PATJ: variants seen among roughly 807,000 people sequenced by gnomAD.
PATJ encodes PATJ crumbs cell polarity complex component, also known as inaD-like protein.
PATJ carries 190 observed loss-of-function variants against 224.9 expected under a neutral mutation model. That is an observed-to-expected ratio of 0.84 (90% CI 0.75 to 0.95). The LOEUF (loss-of-function observed/expected upper bound fraction) is 0.95. Ranked by LOEUF, PATJ falls within the 40% of genes least tolerant of loss-of-function variation. PATJ has a pLI of 0.00. For missense variants in PATJ, 2,121 were observed against 2,270.3 expected, an observed-to-expected ratio of 0.93 and a Z score of 1.34; for synonymous variants, 769 against 820.3, an observed-to-expected ratio of 0.94 and a Z score of 1.07.
rs539826642 is a variant in PATJ at position 62,062,014 on chromosome 1, A to G, written c.4125+10956A>G. On this transcript the variant is annotated intron_variant, in intron 31 of 43. Transcript: ENST00000642238. ...GTTGATGGGCACCCAGGTTGATATC[A>G]TGTCTTTGCTATTGTGAATAGTGCA... Among the ~76,000 whole-genome samples the G allele has an allele frequency of 9.8e-5, 15 of 152,286 alleles. 1 individual carries two copies. Among genetic ancestry groups the G allele is most frequent in the African/African-American group, 3.6e-4 (15 of 41,554 alleles).
In PATJ at chr1:62,127,952, A is replaced by T; in HGVS notation, c.5044-20A>T. The T allele has an allele frequency of 6.2e-7, 1 of 1,613,352 alleles. No homozygotes were observed. Among genetic ancestry groups the T allele is most frequent in the African/African-American group, 1.3e-5 (1 of 75,012 alleles). On this transcript the variant is annotated intron_variant, in intron 39 of 43. Coordinates refer to ENST00000642238, the MANE Select transcript of PATJ (RefSeq NM_001350145.3). Reference sequence around the variant, plus strand: ...GCTCTTTATTAAATATAAAAGCATTATGTTTTCTTCCTTTTTTAGGAGCTC... The same window carrying T: ...GCTCTTTATTAAATATAAAAGCATTTTGTTTTCTTCCTTTTTTAGGAGCTC...
intron 33 of PATJ, among the ~76,000 whole-genome samples, chr1:62,087,880 A>G (rs1349240941): frequency 6.7e-6 from 1 of 150,046 alleles, no homozygotes; most frequent in Non-Finnish European, 1.5e-5. Flanking sequence ...CGTATTTTTA[A>G]TAATTCTTTG....
intron 31 of PATJ, among the ~76,000 whole-genome samples, chr1:62,057,349 T>C (rs1654720186): frequency 2.0e-5 from 3 of 152,040 alleles, no homozygotes; most frequent in Admixed American, 6.6e-5. Context: ...GGTTGCCAGA[T>C]TGGTGAGATG....
At chr1:62,128,992 C>A in intron 41 of PATJ, 47 bp downstream of exon 41, 1 of 1,319,812 alleles carries the variant, frequency 7.6e-7, no homozygotes, top group Non-Finnish European at 1.1e-6. Context: ...AGATAAGTGG[C>A]ATGCAAAAAA....
intron 38 of PATJ, among the ~76,000 whole-genome samples, chr1:62,121,625 C>G (rs535998248): frequency 1.3e-5 from 2 of 151,858 alleles, no homozygotes; most frequent in Non-Finnish European, 2.9e-5. Context: ...AAAAATTAGC[C>G]GGGCGTGGTG....
intron 41 of PATJ, among the ~76,000 whole-genome samples, chr1:62,143,677 T>C (rs1269463885): frequency 2.6e-5 from 4 of 152,042 alleles, no homozygotes; most frequent in African/African-American, 9.7e-5. Flanking sequence ...CTTGAACTCT[T>C]TACCTCAGGT....
intron 20 of PATJ, among the ~76,000 whole-genome samples, chr1:61,871,472 T>TAC (rs1553186070): frequency 1.7e-3 from 163 of 98,748 alleles, no homozygotes; most frequent in African/African-American, 5.5e-3. Flanking sequence ...TATATGTATA[T>TAC]ACATATATAT....
chr1:61,820,884 C>A (rs1239950888), intron 14 of PATJ, among the ~76,000 whole-genome samples: 1 of 152,108 alleles, frequency 6.6e-6, no homozygotes, highest in African/African-American at 2.4e-5. Context: ...AGAAGCATTT[C>A]TCTGAGAGCT....
intron 41 of PATJ, among the ~76,000 whole-genome samples, chr1:62,130,626 C>T (rs867692456): frequency 2.0e-5 from 3 of 151,398 alleles, no homozygotes; most frequent in Admixed American, 6.6e-5. Context: ...CTGAGGCGGG[C>T]GGATCACGAG....
chr1:61,807,521 T>C (rs572881959), intron 13 of PATJ, among the ~76,000 whole-genome samples: 1 of 152,340 alleles, frequency 6.6e-6, no homozygotes, highest in East Asian at 1.9e-4. Flanking sequence ...AAATTTCATT[T>C]ATTTATTACA....
chr1:62,118,562 A>G (rs527894904), intron 37 of PATJ, among the ~76,000 whole-genome samples: 5 of 152,334 alleles, frequency 3.3e-5, no homozygotes, highest in African/African-American at 1.2e-4. Flanking sequence ...ACTGATCGAT[A>G]GGTAAGGTAG....
chr1:61,886,242 G>A (rs930404974), intron 22 of PATJ, among the ~76,000 whole-genome samples: 3 of 152,032 alleles, frequency 2.0e-5, no homozygotes, highest in Admixed American at 6.6e-5. Context: ...AGGAAGAAAG[G>A]AGTGAGCTGG....
chr1:61,751,354 C>T (rs566783219), intron 1 of PATJ, among the ~76,000 whole-genome samples: 2 of 152,108 alleles, frequency 1.3e-5, no homozygotes, highest in Non-Finnish European at 2.9e-5. Flanking sequence ...GTCGGCAGTG[C>T]GGGTAAAATT....
At chr1:61,867,572 A>ATTT (rs1557783576) in intron 20 of PATJ, among the ~76,000 whole-genome samples, 10 of 51,246 alleles carry the variant, frequency 2.0e-4, no homozygotes, top group African/African-American at 3.4e-4. Flanking sequence ...AAATCTGTAA[A>ATTT]ATTTTTTTTT....
chr1:61,827,336 C>G (rs1658449968), intron 15 of PATJ, 86 bp from the exon 16 acceptor site: 1 of 1,179,600 alleles, frequency 8.5e-7, no homozygotes, highest in African/African-American at 1.5e-5. Context: ...GTCCTATTTT[C>G]ATTTTGGTAG....
chr1:61,950,653 T>G (rs1414793768), intron 27 of PATJ, among the ~76,000 whole-genome samples: 1 of 146,074 alleles, frequency 6.8e-6, no homozygotes, highest in Non-Finnish European at 1.5e-5. Flanking sequence ...CACGTCAAAC[T>G]GTGTTTAACA....
At chr1:61,958,708 G>T (rs1680790064) in intron 27 of PATJ, among the ~76,000 whole-genome samples, 1 of 152,140 alleles carries the variant, frequency 6.6e-6, no homozygotes, top group Non-Finnish European at 1.5e-5. Flanking sequence ...ATCCCCAGGG[G>T]TTACCTGGTA....
chr1:61,835,845 T>C (rs115982366), intron 17 of PATJ, among the ~76,000 whole-genome samples: 1 of 152,212 alleles, frequency 6.6e-6, no homozygotes, highest in African/African-American at 2.4e-5. Flanking sequence ...ATAATCGATT[T>C]TGATAATTGG....
chr1:61,959,381 A>C (rs1027296184), intron 27 of PATJ, among the ~76,000 whole-genome samples: 1 of 148,680 alleles, frequency 6.7e-6, no homozygotes, highest in South Asian at 2.1e-4. Context: ...CTATTTCTAT[A>C]AAGAGCTCTC....
Sources: allele counts gnomAD v4.1 joint callset (sites outside exome capture counted in the v4.1 genomes callset), GRCh38; gene constraint gnomAD v4.1.1; transcripts MANE v1.5; gene names NCBI Gene and HGNC (gene_info 2026-07-23, HGNC 2026-07-21).